The following GALM variants were observed in gnomAD, a reference collection of about 807,000 sequenced individuals.
GALM encodes galactose mutarotase.
GALM carries 43 observed loss-of-function variants against 37.4 expected under a neutral mutation model. The ratio of observed to expected loss-of-function variants is 1.15; its 90% CI spans 0.90 to 1.48. The LOEUF (loss-of-function observed/expected upper bound fraction) is 1.48, where lower values mean the gene tolerates loss of function less well. Ranked by LOEUF, GALM falls within the 40% of genes most tolerant of loss-of-function variation. The pLI is 0.00. For missense variants in GALM, 456 were observed against 419.1 expected (o/e 1.09, Z -0.77); for synonymous variants, 199 against 170.6 (o/e 1.17, Z -1.30).
chr2:38,729,512 G>A (rs1458549929), intron 4 of GALM, 44 bp from the exon 5 acceptor site: 5 of 1,592,206 alleles, frequency 3.1e-6, no homozygotes, highest in Middle Eastern at 1.7e-4. Flanking sequence ...ATAAAGATGA[G>A]ACTTGGGCAT....
intron 4 of GALM, among the ~76,000 whole-genome samples, chr2:38,697,230 C>T (rs1665830744): frequency 6.6e-6 from 1 of 152,122 alleles, no homozygotes; most frequent in Non-Finnish European, 1.5e-5. Flanking sequence ...TTTGTCAGAT[C>T]ACCTACATTC....
intron 4 of GALM, among the ~76,000 whole-genome samples, chr2:38,723,617 C>T (rs1666426313): frequency 6.6e-6 from 1 of 151,880 alleles, no homozygotes; most frequent in Non-Finnish European, 1.5e-5. Flanking sequence ...AGTGAGACCT[C>T]ATCTCTACAA....
At chr2:38,674,480 G>A (rs530987409) in intron 1 of GALM, among the ~76,000 whole-genome samples, 6 of 152,038 alleles carry the variant, frequency 3.9e-5, no homozygotes, top group African/African-American at 1.4e-4. Context: ...GAGCCACCGC[G>A]CCTGGACACA....
intron 4 of GALM, among the ~76,000 whole-genome samples, chr2:38,708,015 G>C (rs1666075373): frequency 6.6e-6 from 1 of 152,078 alleles, no homozygotes; most frequent in Non-Finnish European, 1.5e-5. Context: ...GCTAAGGCAG[G>C]AGAATCACCT....
chr2:38,698,491 A>C (rs561215353), intron 4 of GALM: 4 of 906,982 alleles, frequency 4.4e-6, no homozygotes, highest in East Asian at 1.4e-4. Flanking sequence ...CTGCGTCTTC[A>C]GAGCAATTAT....
At position 38,729,661 on chromosome 2, in the gene GALM, G is replaced by A; in HGVS notation, c.740G>A (p.Cys247Tyr). Residue 247 changes from cysteine (C) to tyrosine (Y), a missense_variant, in exon 5 of 7, where the codon TGT becomes TAT. Physicochemically the swap from Cys to Tyr is radical, Grantham distance 194 (BLOSUM62 -2). Coordinates refer to ENST00000272252, the MANE Select transcript of GALM (RefSeq NM_138801.3). ...FHLNGFDHNF[C>Y]LKGSKEKHFC... is the part of the protein sequence containing the mutation. ...CTCAATGGTTTTGACCACAATTTCT[G>A]TCTGAAGGGATCTAAAGAAAAGCAT... The A allele has an allele frequency of 6.2e-7, 1 of 1,613,582 alleles. No homozygotes were observed. Among genetic ancestry groups the A allele is most frequent in the Non-Finnish European group, 8.5e-7 (1 of 1,179,622 alleles).
intron 4 of GALM, among the ~76,000 whole-genome samples, chr2:38,702,811 C>T (rs1665945160): frequency 1.3e-5 from 2 of 150,860 alleles, no homozygotes; most frequent in African/African-American, 4.9e-5. Flanking sequence ...CCAACCTATA[C>T]ATCCTAGGAA....
chr2:38,686,409 G>A (rs937432387), intron 3 of GALM, among the ~76,000 whole-genome samples: 3 of 151,724 alleles, frequency 2.0e-5, no homozygotes, highest in African/African-American at 7.3e-5. Context: ...GGGACTACAG[G>A]CGCCCACCAC....
intron 4 of GALM, among the ~76,000 whole-genome samples, chr2:38,710,082 T>C (rs903965560): frequency 6.6e-6 from 1 of 152,236 alleles, no homozygotes; most frequent in African/African-American, 2.4e-5. Flanking sequence ...GCAGCCCACC[T>C]GAACCTGGGG....
At chr2:38,681,654 A>G (rs78881762) in intron 3 of GALM, among the ~76,000 whole-genome samples, 168 bp downstream of exon 3, 2,185 of 152,364 alleles carry the variant, frequency 0.014, 55 homozygotes, top group African/African-American at 0.05. Context: ...ATTGAAAATT[A>G]TAGAGAAAGA....
chr2:38,708,745 A>G (rs1666093919), intron 4 of GALM, among the ~76,000 whole-genome samples: 1 of 152,002 alleles, frequency 6.6e-6, no homozygotes, highest in South Asian at 2.1e-4. Context: ...AAAAAAAAAA[A>G]AAAAGAAAGT....
At chr2:38,708,988 G>C (rs1666099545) in intron 4 of GALM, among the ~76,000 whole-genome samples, 1 of 152,184 alleles carries the variant, frequency 6.6e-6, no homozygotes, top group Non-Finnish European at 1.5e-5. Flanking sequence ...GCAGGGCGGA[G>C]TCAGGAGCAG....
intron 1 of GALM, among the ~76,000 whole-genome samples, chr2:38,675,535 TTTTTTTTTTGTGTGTG>T (rs1665230791): frequency 4.2e-5 from 4 of 95,490 alleles, no homozygotes; most frequent in African/African-American, 2.1e-4. Context: ...TGTTTTTTTT[TTTTTTTTTTGTGTGTG>T]TGTGTGTGTG....
chr2:38,724,312 C>A (rs996236240), intron 4 of GALM, among the ~76,000 whole-genome samples: 1 of 152,014 alleles, frequency 6.6e-6, no homozygotes, highest in Non-Finnish European at 1.5e-5. Flanking sequence ...ATATGATGAA[C>A]GTTTTGAGAA....
chr2:38,667,973 A>C (rs980546276), intron 1 of GALM, among the ~76,000 whole-genome samples: 1 of 152,232 alleles, frequency 6.6e-6, no homozygotes, highest in African/African-American at 2.4e-5. Flanking sequence ...GAGGCCAAGA[A>C]AAATCTGAAC....
intron 4 of GALM, among the ~76,000 whole-genome samples, chr2:38,728,580 G>A (rs1405659992): frequency 6.6e-6 from 1 of 152,130 alleles, no homozygotes; most frequent in Non-Finnish European, 1.5e-5. Flanking sequence ...AGCTACTCAT[G>A]AGGCTGAGAC....
At chr2:38,700,563 G>A (rs889542302) in intron 4 of GALM, among the ~76,000 whole-genome samples, 2 of 151,660 alleles carry the variant, frequency 1.3e-5, no homozygotes, top group African/African-American at 4.8e-5. Context: ...GCTTGCTTTT[G>A]GTTTCTGTTT....
chr2:38,715,403 G>A (rs887276454), intron 4 of GALM, among the ~76,000 whole-genome samples: 21 of 152,132 alleles, frequency 1.4e-4, no homozygotes, highest in African/African-American at 4.3e-4. Flanking sequence ...GTAAGTAATT[G>A]GTGAAGTCAA....
intron 2 of GALM, among the ~76,000 whole-genome samples, chr2:38,680,323 CA>C (rs962295175): frequency 4.6e-5 from 7 of 151,174 alleles, no homozygotes; most frequent in East Asian, 1.9e-4. Flanking sequence ...CACCTGACCA[CA>C]AAAAAAAACT....
Sources: allele counts gnomAD v4.1 joint callset (sites outside exome capture counted in the v4.1 genomes callset), GRCh38; gene constraint gnomAD v4.1.1; transcripts MANE v1.5; gene names NCBI Gene and HGNC (gene_info 2026-07-23, HGNC 2026-07-21).